Variants in COL23A1 observed in about 807,000 individuals in gnomAD.
COL23A1 encodes the protein collagen type XXIII alpha 1 chain.
A neutral mutation model predicts 99.3 loss-of-function variants in COL23A1; 97 were observed. The ratio of observed to expected loss-of-function variants is 0.98; its 90% confidence interval spans 0.83 to 1.16. The LOEUF is 1.16. COL23A1 is among the 50% of genes most tolerant of loss of function. COL23A1 has a pLI of 0.00. For synonymous variants in COL23A1, 320 were observed against 308.2 expected (o/e 1.04, Z -0.40); for missense variants, 762 against 757.4 (o/e 1.01, Z -0.07).
intron 2 of COL23A1, among the ~76,000 whole-genome samples, chr5:178,535,963 C>T (rs988152131): frequency 2.6e-5 from 4 of 152,248 alleles, no homozygotes; most frequent in East Asian, 1.9e-4. Flanking sequence ...TCCCAGGACC[C>T]GAGAGGGTCA....
At chr5:178,406,577 G>A (rs1040473752) in intron 2 of COL23A1, among the ~76,000 whole-genome samples, 4 of 151,982 alleles carry the variant, frequency 2.6e-5, no homozygotes, top group East Asian at 3.9e-4. Flanking sequence ...TTACAGGCAC[G>A]CGCCACCATG....
chr5:178,344,862 C>G (rs1463242799), intron 2 of COL23A1: 3 of 751,978 alleles, frequency 4.0e-6, no homozygotes, highest in Non-Finnish European at 6.8e-6. Flanking sequence ...CGATCTGTGT[C>G]TGGCATTACC....
intron 2 of COL23A1, among the ~76,000 whole-genome samples, chr5:178,535,526 G>T (rs1167652025): frequency 6.6e-6 from 1 of 152,262 alleles, no homozygotes; most frequent in Admixed American, 6.5e-5. Context: ...ACAGCAGTGC[G>T]CAGCCCAGAG....
chr5:178,414,718 G>A (rs548959166), intron 2 of COL23A1, among the ~76,000 whole-genome samples: 48 of 152,304 alleles, frequency 3.2e-4, no homozygotes, highest in Non-Finnish European at 5.4e-4. Flanking sequence ...GTTGCAGTGA[G>A]CTGAGATGAC....
At chr5:178,276,386 C>A (rs2973760) in intron 5 of COL23A1, among the ~76,000 whole-genome samples, 140,665 of 152,308 alleles carry the variant, frequency 0.92, 65,247 homozygotes, top group Non-Finnish European at 0.98. Flanking sequence ...TGTGAGGGAA[C>A]GGAGCCCTCA....
intron 2 of COL23A1, among the ~76,000 whole-genome samples, chr5:178,361,296 G>C (rs566618341): frequency 1.3e-5 from 2 of 152,300 alleles, no homozygotes; most frequent in Non-Finnish European, 2.9e-5. Context: ...GACAAACTGA[G>C]ACGATCTCTT....
chr5:178,486,452 G>A (rs943913478), intron 2 of COL23A1, among the ~76,000 whole-genome samples: 14 of 152,162 alleles, frequency 9.2e-5, no homozygotes, highest in Admixed American at 8.5e-4. Flanking sequence ...TAATTACCAC[G>A]TGTAGAAAGC....
At chr5:178,529,107 G>A (rs1760493613) in intron 2 of COL23A1, among the ~76,000 whole-genome samples, 1 of 152,238 alleles carries the variant, frequency 6.6e-6, no homozygotes, top group Admixed American at 6.5e-5. Context: ...AGTTATCTAA[G>A]ATGTCTGGAA....
chr5:178,382,885 G>A (rs532238692), intron 2 of COL23A1, among the ~76,000 whole-genome samples: 3 of 152,286 alleles, frequency 2.0e-5, no homozygotes, highest in Non-Finnish European at 4.4e-5. Flanking sequence ...CTCCTCGGCT[G>A]GCCTGGAAGT....
At chr5:178,325,858 T>C (rs1759619357) in intron 2 of COL23A1, among the ~76,000 whole-genome samples, 1 of 152,262 alleles carries the variant, frequency 6.6e-6, no homozygotes, top group Admixed American at 6.5e-5. Context: ...GGAGAGCATG[T>C]GGCCTTTTTC....
rs1277398966 is a variant in COL23A1 at position 178,344,744 on chromosome 5, TG to T, written c.362-37826del. 37 of 397,558 alleles carry T rather than the reference TG, an allele frequency of 9.3e-5. No homozygotes were observed. In the Admixed American group the frequency reaches 1.3e-3, roughly 14 times the overall value. 24.6% of individuals were successfully genotyped at this position (397,558 alleles called of 1,614,324 possible). ...TTGAAACCAGAGACACAGAACCTAC[TG>T]AAACAGAGGGCCTACTGTATGCCCG... On this transcript the variant is annotated intron_variant, in intron 2 of 28. Transcript: ENST00000390654.
chr5:178,345,143 T>C, intron 2 of COL23A1: 1 of 638,836 alleles, frequency 1.6e-6, no homozygotes, highest in Non-Finnish European at 2.9e-6. Flanking sequence ...GTTCAATCTC[T>C]TGGCACATTT....
chr5:178,365,700 G>A lies in COL23A1; in HGVS notation c.362-58781C>T, dbSNP rs139376282. 2.7e-3 allele frequency among the ~76,000 whole-genome samples: 405 copies of A among 152,206 alleles called. 1 individual carries two copies. The highest frequency in any genetic ancestry group is 9.2e-3 in the African/African-American group (380 of 41,524). On this transcript the variant is annotated intron_variant, in intron 2 of 28. Transcript: ENST00000390654. This position sits in a 1 kb window ranked among gnomAD's most constrained non-coding sequence, Gnocchi z 5.2. ...CGTGCTGTTCCCGGCAGACCCTTGC[G>A]TTTCCTGTTCTCTGCCTGGAAAGCC...
intron 2 of COL23A1, among the ~76,000 whole-genome samples, chr5:178,354,321 G>T (rs991893469): frequency 4.6e-5 from 7 of 152,234 alleles, no homozygotes; most frequent in Admixed American, 4.6e-4. Flanking sequence ...TGATCTTTCT[G>T]CCTCAGCCTC....
intron 2 of COL23A1, among the ~76,000 whole-genome samples, chr5:178,476,495 C>T (rs185143625): frequency 5.4e-4 from 82 of 152,320 alleles, no homozygotes; most frequent in African/African-American, 1.9e-3. Flanking sequence ...ATTCCCTTAT[C>T]TATATAATGT....
At chr5:178,321,016 G>A (rs1251433099) in intron 2 of COL23A1, among the ~76,000 whole-genome samples, 1 of 152,246 alleles carries the variant, frequency 6.6e-6, no homozygotes, top group Non-Finnish European at 1.5e-5. Context: ...GTTTTGGGCA[G>A]CAGGATTTTA....
At position 178,434,394 on chromosome 5, in the gene COL23A1, G is replaced by C. The variant is rs1012269394; in HGVS notation, c.361+126288C>G. On this transcript the variant is annotated intron_variant, in intron 2 of 28. Transcript: ENST00000390654. The surrounding 1 kb of genome is among the most constrained non-coding windows in gnomAD (Gnocchi z 4.3). The stretch of plus-strand genomic sequence containing the variant: ...CACCAGGACAGCGCCCCTGCAGCAC[G>C]GTGGCCTCGGGCAAAATGCCTGGAC... 6.6e-6 allele frequency among the ~76,000 whole-genome samples: 1 copy of C among 152,236 alleles called. No homozygotes were observed. The highest frequency in any genetic ancestry group is 2.4e-5 in the African/African-American group (1 of 41,468).
In COL23A1 at chr5:178,375,337, C is replaced by T. The variant is rs562350885; in HGVS notation, c.362-68418G>A. On this transcript the variant is annotated intron_variant, in intron 2 of 28. Coordinates refer to ENST00000390654, the MANE Select transcript of COL23A1 (RefSeq NM_173465.4). ...CGCAGGGGATGAAAAGGTCCTAAAACGGACATCTCTCCCCTGGATTCTCCA... is the reference window on the plus strand; with the variant it reads ...CGCAGGGGATGAAAAGGTCCTAAAATGGACATCTCTCCCCTGGATTCTCCA... Among the ~76,000 whole-genome samples, 6 of 152,330 alleles carry T rather than the reference C, an allele frequency of 3.9e-5. No homozygotes were observed. The East Asian group carries it at 1.2e-3, about 29-fold the overall frequency.
In COL23A1 at chr5:178,249,106, C is replaced by T; in HGVS notation, c.1149+11G>A. On this transcript the variant is annotated intron_variant, in intron 19 of 28. Coordinates refer to ENST00000390654, the MANE Select transcript of COL23A1 (RefSeq NM_173465.4). ...AGGAGGCGTAATGTGTGGCCCAACC[C>T]AGCCACATACCGGGAGGCCGGACAA... 6.2e-7 allele frequency: 1 copy of T among 1,613,186 alleles called. No homozygotes were observed. The highest frequency in any genetic ancestry group is 8.5e-7 in the Non-Finnish European group (1 of 1,179,186).
Sources: gnomAD v4.1 joint callset for allele counts (sites outside exome capture counted in the v4.1 genomes callset) on GRCh38, gnomAD v4.1.1 for gene constraint, Gnocchi (gnomAD v3.1) non-coding constraint, MANE v1.5 for transcripts, NCBI Gene and HGNC (gene_info 2026-07-23, HGNC 2026-07-21) for gene names.